AGAP1: variants seen among roughly 807,000 people sequenced by gnomAD.
The protein encoded by AGAP1 is ArfGAP with GTPase domain, ankyrin repeat and PH domain 1.
In AGAP1, 29 loss-of-function variants were observed where a neutral mutation model predicts 105.3. That is an observed-to-expected ratio of 0.28 (90% CI 0.21 to 0.38). The LOEUF (loss-of-function observed/expected upper bound fraction) is 0.38, where lower values mean the gene tolerates loss of function less well. Among genes scored for constraint, AGAP1 ranks in the 10% least tolerant of loss-of-function variants. The pLI, the probability that AGAP1 is intolerant of heterozygous loss-of-function variation, is 1.00. For synonymous variants in AGAP1, 509 were observed against 485.9 expected, an observed-to-expected ratio of 1.05 and a Z score of -0.63; for missense variants, 998 against 1,165.1, an observed-to-expected ratio of 0.86 and a Z score of 2.09.
At chr2:235,703,630 G>T (rs1050219664) in intron 1 of AGAP1, among the ~76,000 whole-genome samples, 1 of 131,528 alleles carries the variant, frequency 7.6e-6, no homozygotes, top group Middle Eastern at 4.2e-3. Context: ...TCCCTCCCTC[G>T]CTCTATCCCC....
Position 236,014,726 on chromosome 2 carries a change from T to TC in AGAP1, c.1646-21834dup, listed in dbSNP as rs398105457. 14 of 383,384 alleles carry TC rather than the reference T, an allele frequency of 3.7e-5. No individual in the cohort carries two copies. The highest frequency in any genetic ancestry group is 8.3e-5 in the East Asian group (1 of 12,050). The allele number at this position is 383,384 out of a possible 1,614,324, so 23.7% of individuals were successfully genotyped here. Reference sequence around the variant, plus strand: ...CACGTGCTACTTTGACCTTTTTTTTTCTCCCCTTTTCATTTGTTTTCTTTT... The same window carrying TC: ...CACGTGCTACTTTGACCTTTTTTTTTCCTCCCCTTTTCATTTGTTTTCTTTT... On this transcript the variant is annotated intron_variant, in intron 13 of 17. Transcript: ENST00000304032. The surrounding 1 kb of genome is among the most constrained non-coding windows in gnomAD (Gnocchi z 6.3).
Position 235,600,865 on chromosome 2 carries a change from A to G in AGAP1, c.163+106016A>G, listed in dbSNP as rs114709903. ...CCAGGATCAATACTTTGCATCTTTC[A>G]ATCCAGTCAGGTTGACACTCAGTAT... On this transcript the variant is annotated intron_variant, in intron 1 of 17. Coordinates refer to ENST00000304032, the MANE Select transcript of AGAP1 (RefSeq NM_001037131.3). The surrounding 1 kb of genome is among the most constrained non-coding windows in gnomAD (Gnocchi z 4.8). Among the ~76,000 whole-genome samples, 5,487 of 152,258 alleles carry G rather than the reference A, an allele frequency of 0.036. 138 individuals are homozygous for G. Among genetic ancestry groups the G allele is most frequent in the Non-Finnish European group, 0.056 (3,818 of 68,018 alleles).
At chr2:235,784,513 AAAATT>A (rs1956487481) in intron 6 of AGAP1, among the ~76,000 whole-genome samples, 1 of 151,270 alleles carries the variant, frequency 6.6e-6, no homozygotes, top group South Asian at 2.1e-4. Flanking sequence ...AAATGTAAAT[AAAATT>A]AGGTTTAGAT....
At position 235,574,277 on chromosome 2, in the gene AGAP1, C is replaced by A. The variant is rs1372752529; in HGVS notation, c.163+79428C>A. ...TGAGATCCACCCCCACTCCTGCCATCAGGCATTAAAATCTTCCGAACAGAA... is the reference window on the plus strand; with the variant it reads ...TGAGATCCACCCCCACTCCTGCCATAAGGCATTAAAATCTTCCGAACAGAA... On this transcript the variant is annotated intron_variant, in intron 1 of 17. Coordinates refer to ENST00000304032, the MANE Select transcript of AGAP1 (RefSeq NM_001037131.3). This position sits in a 1 kb window ranked among gnomAD's most constrained non-coding sequence, Gnocchi z 5.0. Among the ~76,000 whole-genome samples, 1 of 152,232 alleles carries A rather than the reference C, an allele frequency of 6.6e-6. No homozygotes were observed. Among genetic ancestry groups the A allele is most frequent in the Non-Finnish European group, 1.5e-5 (1 of 68,038 alleles).
At chr2:235,947,931 G>A (rs112287393) in intron 12 of AGAP1, among the ~76,000 whole-genome samples, 3 of 152,318 alleles carry the variant, frequency 2.0e-5, no homozygotes, top group African/African-American at 7.2e-5. Flanking sequence ...AATAACTTGT[G>A]CAAGAGTGTG....
chr2:236,100,214 G>A (rs934196641), intron 16 of AGAP1, among the ~76,000 whole-genome samples: 2 of 152,148 alleles, frequency 1.3e-5, no homozygotes, highest in Non-Finnish European at 1.5e-5. Context: ...TCACCAAGAA[G>A]CTCAGCAGAG....
At position 235,740,958 on chromosome 2, in the gene AGAP1, G is replaced by A; in HGVS notation, c.311-5G>A. On this transcript the variant is annotated splice_polypyrimidine_tract_variant and splice_region_variant and intron_variant, in intron 3 of 17. Coordinates refer to ENST00000304032, the MANE Select transcript of AGAP1 (RefSeq NM_001037131.3). The surrounding 1 kb of genome is among the most constrained non-coding windows in gnomAD (Gnocchi z 5.7). ...GTGTAACGAGATGTTTTGTGTGTGT[G>A]GCAGGTGGCAGGTTCAAGAAAGAGA... 6.2e-7 allele frequency: 1 copy of A among 1,614,186 alleles called. No individual in the cohort carries two copies. Among genetic ancestry groups the A allele is most frequent in the Non-Finnish European group, 8.5e-7 (1 of 1,180,018 alleles).
chr2:235,758,765 G>C (rs1391771256), intron 6 of AGAP1, among the ~76,000 whole-genome samples: 1 of 152,088 alleles, frequency 6.6e-6, no homozygotes, highest in Admixed American at 6.5e-5. Context: ...CATTCTTCAA[G>C]AGTTAAATGA....
chr2:235,605,735 G>A (rs780407460), intron 1 of AGAP1, among the ~76,000 whole-genome samples: 1 of 152,210 alleles, frequency 6.6e-6, no homozygotes, highest in Non-Finnish European at 1.5e-5. Context: ...GCTGTACCCG[G>A]TCAGCACATT....
At position 235,792,699 on chromosome 2, in the gene AGAP1, G is replaced by A. The variant is rs528404869; in HGVS notation, c.674-5060G>A. Among the ~76,000 whole-genome samples, 4 of 152,306 alleles carry A rather than the reference G, an allele frequency of 2.6e-5. No homozygotes were observed. In the South Asian group the frequency reaches 6.2e-4, roughly 24 times the overall value. ...ATGGTGAAGAGCGGGTTGTGCCATC[G>A]ACTGAGCTAGAAAACAGACGAGAGG... On this transcript the variant is annotated intron_variant, in intron 6 of 17. Coordinates refer to ENST00000304032, the MANE Select transcript of AGAP1 (RefSeq NM_001037131.3). The surrounding 1 kb of genome is among the most constrained non-coding windows in gnomAD (Gnocchi z 5.3).
At chr2:235,735,285 C>T (rs1036748821) in intron 3 of AGAP1, among the ~76,000 whole-genome samples, 14 of 152,206 alleles carry the variant, frequency 9.2e-5, no homozygotes, top group Admixed American at 9.2e-4. Context: ...GCAATGTTGA[C>T]TCCCAAAAGG....
rs772848952 is a variant in AGAP1, at chr2:236,113,031, A to C, written c.2115-7161A>C. Among the ~76,000 whole-genome samples the C allele has an allele frequency of 2.0e-5, 3 of 152,258 alleles. No homozygotes were observed. Among genetic ancestry groups the C allele is most frequent in the Admixed American group, 6.5e-5 (1 of 15,286 alleles). On this transcript the variant is annotated intron_variant, in intron 16 of 17. Coordinates refer to ENST00000304032, the MANE Select transcript of AGAP1 (RefSeq NM_001037131.3). This position sits in a 1 kb window ranked among gnomAD's most constrained non-coding sequence, Gnocchi z 4.3. ...TTTCCCCTTTTGAAACTTGCAATAA[A>C]ATCTACCTGTCTCTTCTTTCCTGCA...
In AGAP1 at chr2:236,042,220, G is replaced by T. The variant is rs2057570754; in HGVS notation, c.1891+1379G>T. On this transcript the variant is annotated intron_variant, in intron 15 of 17. Transcript: ENST00000304032. This position sits in a 1 kb window ranked among gnomAD's most constrained non-coding sequence, Gnocchi z 5.6. ...AGGCCAGCCAGGGTCGGCTTGGCCGGGAAGGGAGACAGGAGCCCAGGACTG... is the reference window on the plus strand; with the variant it reads ...AGGCCAGCCAGGGTCGGCTTGGCCGTGAAGGGAGACAGGAGCCCAGGACTG... Among the ~76,000 whole-genome samples, 1 of 152,098 alleles carries T rather than the reference G, an allele frequency of 6.6e-6. No homozygotes were observed. Among genetic ancestry groups the T allele is most frequent in the African/African-American group, 2.4e-5 (1 of 41,420 alleles).
intron 13 of AGAP1, among the ~76,000 whole-genome samples, chr2:236,021,726 TTTC>T (rs2056890011): frequency 6.6e-6 from 1 of 152,054 alleles, no homozygotes; most frequent in African/African-American, 2.4e-5. Flanking sequence ...ACTATTTTTT[TTTC>T]CCCAAGAGCT....
chr2:235,929,277 A>G (rs78064086), intron 11 of AGAP1, among the ~76,000 whole-genome samples: 1 of 152,060 alleles, frequency 6.6e-6, no homozygotes, highest in East Asian at 1.9e-4. Context: ...TCTTACTAAG[A>G]GGCAGGTGGC....
chr2:235,693,019 G>T (rs1949812186), intron 1 of AGAP1, among the ~76,000 whole-genome samples: 1 of 152,158 alleles, frequency 6.6e-6, no homozygotes, highest in Non-Finnish European at 1.5e-5. Flanking sequence ...GGACTGTAGA[G>T]TGTCAGATTC....
chr2:236,061,604 A>G lies in AGAP1; in HGVS notation c.2114+12323A>G, dbSNP rs186274401. On this transcript the variant is annotated intron_variant, in intron 16 of 17. Coordinates refer to ENST00000304032, the MANE Select transcript of AGAP1 (RefSeq NM_001037131.3). This position sits in a 1 kb window ranked among gnomAD's most constrained non-coding sequence, Gnocchi z 4.1. ...CTAAAGGAAAGGAAGCAGGCACAGAAGGCCACACCGTGTACCATTCCATCT... is the reference window on the plus strand; with the variant it reads ...CTAAAGGAAAGGAAGCAGGCACAGAGGGCCACACCGTGTACCATTCCATCT... 1.3e-5 allele frequency among the ~76,000 whole-genome samples: 2 copies of G among 152,266 alleles called. No homozygotes were observed. Among genetic ancestry groups the G allele is most frequent in the Admixed American group, 6.5e-5 (1 of 15,288 alleles).
Position 235,733,914 on chromosome 2 carries a change from C to G in AGAP1, c.311-7049C>G, listed in dbSNP as rs1348344065. Among the ~76,000 whole-genome samples the G allele has an allele frequency of 6.6e-6, 1 of 152,072 alleles. No homozygotes were observed. Among genetic ancestry groups the G allele is most frequent in the Non-Finnish European group, 1.5e-5 (1 of 68,014 alleles). The stretch of plus-strand genomic sequence containing the variant: ...TAAACAAAGATGTTACCAATAAAAC[C>G]TTTTTCCCAGTGTATAAATAATATG... On this transcript the variant is annotated intron_variant, in intron 3 of 17. Transcript: ENST00000304032. The surrounding 1 kb of genome is among the most constrained non-coding windows in gnomAD (Gnocchi z 5.0).
rs371830106 is a variant in AGAP1, at chr2:235,893,573, C to T, written c.1155+10124C>T. 5.1e-4 allele frequency among the ~76,000 whole-genome samples: 78 copies of T among 152,040 alleles called. No homozygotes were observed. The highest frequency in any genetic ancestry group is 6.8e-3 in the Middle Eastern group (2 of 294). ...GTGTGCCGTGTCCATCATGAGGGTG[C>T]GCCGTGTCCGTCATGCAGATGTGCC... On this transcript the variant is annotated intron_variant, in intron 10 of 17. Coordinates refer to ENST00000304032, the MANE Select transcript of AGAP1 (RefSeq NM_001037131.3). This position sits in a 1 kb window ranked among gnomAD's most constrained non-coding sequence, Gnocchi z 4.7.
Sources: allele counts gnomAD v4.1 joint callset (sites outside exome capture counted in the v4.1 genomes callset), GRCh38; gene constraint gnomAD v4.1.1; non-coding constraint Gnocchi (gnomAD v3.1); transcripts MANE v1.5; gene names NCBI Gene and HGNC (gene_info 2026-07-23, HGNC 2026-07-21).